IFT140: variants seen among roughly 807,000 people sequenced by gnomAD.
IFT140 encodes the protein intraflagellar transport 140.
IFT140 carries 133 observed loss-of-function variants against 164.6 expected under a neutral mutation model. The ratio of observed to expected loss-of-function variants is 0.81; its 90% CI spans 0.70 to 0.93. The LOEUF is 0.93. Ranked by LOEUF, IFT140 falls within the 40% of genes least tolerant of loss-of-function variation. The probability of loss-of-function intolerance (pLI) is 0.00; values close to 1 mark genes in which losing one functional copy is unlikely to be tolerated. For missense variants in IFT140, 2,045 were observed against 1,972.3 expected (o/e 1.04, Z -0.70); for synonymous variants, 860 against 817.3 (o/e 1.05, Z -0.89).
At chr16:1,552,502 C>T (rs1406399803) in intron 19 of IFT140, among the ~76,000 whole-genome samples, 1 of 152,162 alleles carries the variant, frequency 6.6e-6, no homozygotes, top group Non-Finnish European at 1.5e-5. Flanking sequence ...TCAAAGTGCC[C>T]TCATTTTCCT....
chr16:1,557,370 T>C (rs1033243973), intron 19 of IFT140, among the ~76,000 whole-genome samples: 1 of 152,186 alleles, frequency 6.6e-6, no homozygotes, highest in Non-Finnish European at 1.5e-5. Context: ...GTGACAGGCA[T>C]TATCACTGCA....
chr16:1,527,062 G>A (rs997261896), intron 19 of IFT140: 1 of 466,464 alleles, frequency 2.1e-6, no homozygotes, highest in East Asian at 3.3e-5. Context: ...CAGATCACCA[G>A]GCTCCTCCTC....
At chr16:1,596,595 G>A (rs2035476885) in intron 4 of IFT140, among the ~76,000 whole-genome samples, 1 of 152,202 alleles carries the variant, frequency 6.6e-6, no homozygotes, top group Non-Finnish European at 1.5e-5. Context: ...CTCGTTCTGA[G>A]AGAGGGACAG....
chr16:1,525,312 T>A lies in IFT140; in HGVS notation c.2783A>T (p.Asp928Val), dbSNP rs202053259. ...SRALSYYEKSDTHRFEVPRML... is the reference protein window; with the variant it reads ...SRALSYYEKSVTHRFEVPRML... ...CCTGGGCACCTCGAAGCGGTGCGTG[T>A]CCGACTTCTCGTAGCTGTGAGAGAA... is the stretch of plus-strand genomic sequence containing the variant. Residue 928 changes from aspartate (D) to valine (V), a missense_variant, in exon 22 of 31, where the codon GAC becomes GTC. Transcript: ENST00000426508. The A allele has an allele frequency of 6.2e-7, 1 of 1,611,812 alleles. No individual in the cohort carries two copies. The highest frequency in any genetic ancestry group is 2.2e-5 in the East Asian group (1 of 44,870).
chr16:1,523,435 G>C, intron 26 of IFT140, 83 bp downstream of exon 26: 1 of 1,440,998 alleles, frequency 6.9e-7, no homozygotes, highest in East Asian at 2.3e-5. Flanking sequence ...CAAGCAAGCA[G>C]CCATTCCCAC....
At chr16:1,555,276 C>CA in intron 19 of IFT140, 2 of 502,814 alleles carry the variant, frequency 4.0e-6, no homozygotes, top group Non-Finnish European at 7.1e-6. Context: ...TCCACGACCA[C>CA]ACGCACTTCA....
rs1010441534 is a variant in IFT140, at chr16:1,568,276, C to T, written c.1711G>A (p.Gly571Ser). 4 of 1,613,476 alleles carry T rather than the reference C, an allele frequency of 2.5e-6. No individual in the cohort carries two copies. The highest frequency in any genetic ancestry group is 3.4e-6 in the Non-Finnish European group (4 of 1,179,926). The change falls in exon 15 of 31, where the codon GGC becomes AGC. Residue 571 changes from glycine (G) to serine (S), a missense_variant. By Grantham distance (56) the Gly-to-Ser change is moderately conservative. Coordinates refer to ENST00000426508, the MANE Select transcript of IFT140 (RefSeq NM_014714.4). ...SLAELVPGVG[G>S]IASLRCSSSG... ...CTGCTGCACCGCAGAGAAGCGATGC[C>T]CCCCACCCCAGGGACCAGCTCCGCC...
At chr16:1,513,961 CTG>C (rs2040266535) in intron 30 of IFT140, among the ~76,000 whole-genome samples, 1 of 151,540 alleles carries the variant, frequency 6.6e-6, no homozygotes, top group African/African-American at 2.4e-5. Flanking sequence ...GCGTGAGCCA[CTG>C]CACCCGGCTG....
chr16:1,561,477 C>T (rs1332349196), intron 18 of IFT140, among the ~76,000 whole-genome samples: 2 of 152,224 alleles, frequency 1.3e-5, no homozygotes, highest in Non-Finnish European at 2.9e-5. Flanking sequence ...CAGAACCCTA[C>T]TGAAAGGAGC....
intron 13 of IFT140, among the ~76,000 whole-genome samples, chr16:1,571,962 G>C (rs572605749): frequency 1.0e-3 from 155 of 152,324 alleles, no homozygotes; most frequent in Admixed American, 1.4e-3. Context: ...TGGAGGCCCT[G>C]TCATGTGAAA....
intron 18 of IFT140, among the ~76,000 whole-genome samples, chr16:1,558,524 A>T (rs1371847950): frequency 6.6e-6 from 1 of 152,242 alleles, no homozygotes; most frequent in Non-Finnish European, 1.5e-5. Flanking sequence ...CGCATGGCAC[A>T]GGGAGGGACG....
chr16:1,561,938 A>T lies in IFT140; in HGVS notation c.2199+47T>A, dbSNP rs746251319. The stretch of plus-strand genomic sequence containing the variant: ...GACGCTTGCAAGAGCCCAGCCAGGC[A>T]AGGGGAGAGATCAGAAGACACCTGT... On this transcript the variant is annotated intron_variant, in intron 18 of 30. Transcript: ENST00000426508. The T allele has an allele frequency of 4.1e-5, 61 of 1,490,900 alleles. No homozygotes were observed. In the South Asian group the frequency reaches 8.4e-4, roughly 21 times the overall value. The allele number at this position is 1,490,900 out of a possible 1,614,324, so 92.4% of individuals were successfully genotyped here.
chr16:1,555,045 C>A, intron 19 of IFT140: 1 of 1,596,544 alleles, frequency 6.3e-7, no homozygotes, highest in Non-Finnish European at 8.5e-7. Flanking sequence ...TCTCAGCGCT[C>A]CATCAACGCA....
At position 1,524,695 on chromosome 16, in the gene IFT140, C is replaced by A; in HGVS notation, c.2998G>T (p.Ala1000Ser). 6.4e-7 allele frequency: 1 copy of A among 1,574,534 alleles called. No individual in the cohort carries two copies. The highest frequency in any genetic ancestry group is 8.7e-7 in the Non-Finnish European group (1 of 1,154,006). Residue 1000 changes from alanine (A) to serine (S), a missense_variant and splice_region_variant, in exon 24 of 31, where the codon GCT becomes TCT. Physicochemically the swap from Ala to Ser is moderately conservative, Grantham distance 99. Transcript: ENST00000426508. ...IHCFQGNVQK[A>S]AQIANETGNL... ...CCTGTCTCGTTGGCTATTTGCGCAG[C>A]CTAGAAAGACAAAGAACCCAAAGAC...
At chr16:1,586,068 G>A (rs1372749683) in intron 10 of IFT140, 62 bp downstream of exon 10, 5 of 1,596,196 alleles carry the variant, frequency 3.1e-6, no homozygotes, top group Non-Finnish European at 4.3e-6. Flanking sequence ...ACCGCGCCCG[G>A]CCATGGTCTC....
At chr16:1,568,435 CT>C in intron 14 of IFT140, 101 bp from the exon 15 acceptor site, 1 of 932,872 alleles carries the variant, frequency 1.1e-6, no homozygotes, top group South Asian at 1.5e-5. Flanking sequence ...CTGCACAGCT[CT>C]TAGGCTGCTT....
At chr16:1,611,189 A>G (rs568293571) in intron 1 of IFT140, among the ~76,000 whole-genome samples, 1 of 152,312 alleles carries the variant, frequency 6.6e-6, no homozygotes, top group Non-Finnish European at 1.5e-5. Flanking sequence ...CCACAGAGCC[A>G]AGCGAGGCAG....
At chr16:1,518,397 G>A in intron 29 of IFT140, 40 bp from the exon 30 acceptor site, 1 of 1,592,638 alleles carries the variant, frequency 6.3e-7, no homozygotes, top group Non-Finnish European at 8.6e-7. Flanking sequence ...CCGAAGCCCT[G>A]AACACCTACT....
In IFT140 at chr16:1,593,062, T is replaced by C. The variant is rs545570224; in HGVS notation, c.370-474A>G. Among the ~76,000 whole-genome samples, 12 of 149,812 alleles carry C rather than the reference T, an allele frequency of 8.0e-5. No homozygotes were observed. In the South Asian group the frequency reaches 8.6e-4, roughly 11 times the overall value. On this transcript the variant is annotated intron_variant, in intron 4 of 30. Transcript: ENST00000426508. ...AGAGTGACTGGTGGTGGGACAGGTGTCCTGGCAGAGTGACTGGTGGAGGGA... is the reference window on the plus strand; with the variant it reads ...AGAGTGACTGGTGGTGGGACAGGTGCCCTGGCAGAGTGACTGGTGGAGGGA...
Sources: allele counts gnomAD v4.1 joint callset (sites outside exome capture counted in the v4.1 genomes callset), GRCh38; gene constraint gnomAD v4.1.1; transcripts MANE v1.5; gene names NCBI Gene and HGNC (gene_info 2026-07-23, HGNC 2026-07-21).